The following HMGB1 variants were observed in gnomAD, a reference collection of about 807,000 sequenced individuals.
HMGB1 encodes high mobility group box 1, also known as high mobility group protein B1.
For synonymous variants in HMGB1, 81 were observed against 84.0 expected (o/e 0.96, Z 0.19); for missense variants, 79 against 253.5 (o/e 0.31, Z 4.67).
At chr13:30,512,041 T>A (rs1354728557) in intron 1 of HMGB1, among the ~76,000 whole-genome samples, 1 of 152,046 alleles carries the variant, frequency 6.6e-6, no homozygotes, top group African/African-American at 2.4e-5. Flanking sequence ...GGGCCAGGCA[T>A]GGTGACTCAT....
At chr13:30,475,367 T>G (rs924951834) in intron 1 of HMGB1, among the ~76,000 whole-genome samples, 10 of 150,880 alleles carry the variant, frequency 6.6e-5, no homozygotes, top group South Asian at 2.1e-4. Flanking sequence ...CCATCATGCC[T>G]GGTTAATTAT....
At position 30,462,327 on chromosome 13, in the gene HMGB1, A is replaced by G. The variant is rs576500076; in HGVS notation, c.471+211T>C. 25 of 601,514 alleles carry G rather than the reference A, an allele frequency of 4.2e-5. No homozygotes were observed. In the Middle Eastern group the frequency reaches 1.3e-3, roughly 31 times the overall value. The allele number at this position is 601,514 out of a possible 1,614,324, so 37.3% of individuals were successfully genotyped here. A position where few individuals can be genotyped will look rare whatever the true frequency, so the allele number is the denominator to read the frequency against. On this transcript the variant is annotated intron_variant, in intron 4 of 4. Transcript: ENST00000341423. ...CTGGGGAATAACAAAACCAACATAA[A>G]TGTACACAGCCTTTGTCTGAGTCTG...
chr13:30,490,720 C>A (rs890375866), intron 1 of HMGB1, among the ~76,000 whole-genome samples: 1 of 151,802 alleles, frequency 6.6e-6, no homozygotes, highest in East Asian at 1.9e-4. Flanking sequence ...GAATTTGAGG[C>A]TGCAATGAGC....
chr13:30,568,649 G>GGGGA (rs1390497998), intron 1 of HMGB1, among the ~76,000 whole-genome samples: 1 of 152,208 alleles, frequency 6.6e-6, no homozygotes, highest in Admixed American at 6.5e-5. Flanking sequence ...CAGACACAGA[G>GGGGA]GGGAGGGCCT....
chr13:30,603,244 G>A (rs1175315422), intron 1 of HMGB1, among the ~76,000 whole-genome samples: 1 of 152,046 alleles, frequency 6.6e-6, no homozygotes, highest in Middle Eastern at 3.2e-3. Context: ...TGCTTATCTA[G>A]TGATTATTCC....
chr13:30,458,180 A>C lies in HMGB1; in HGVS notation c.*3177T>G, dbSNP rs1286422669. 3 of 152,138 alleles carry C rather than the reference A, an allele frequency of 2.0e-5. No homozygotes were observed. The highest frequency in any genetic ancestry group is 4.4e-5 in the Non-Finnish European group (3 of 68,030). The allele number at this position is 152,138 out of a possible 1,614,324, so 9.4% of individuals were successfully genotyped here. A position where few individuals can be genotyped will look rare whatever the true frequency, so the allele number is the denominator to read the frequency against. On this transcript the variant is annotated 3_prime_UTR_variant, in exon 5 of 5. Transcript: ENST00000341423. ...ACCCTTTCAGGAGGCGTGTTGTACC[A>C]AGCAGACCTAAATGTGAACTTTCAT... is the stretch of plus-strand genomic sequence containing the variant.
At chr13:30,532,174 A>G (rs1004837550) in intron 1 of HMGB1, among the ~76,000 whole-genome samples, 5 of 151,868 alleles carry the variant, frequency 3.3e-5, no homozygotes, top group Admixed American at 2.6e-4. Context: ...CGTCTCTACT[A>G]AAAGTACAAA....
intron 1 of HMGB1, among the ~76,000 whole-genome samples, chr13:30,490,322 A>C (rs1468781471): frequency 6.6e-6 from 1 of 152,124 alleles, no homozygotes; most frequent in African/African-American, 2.4e-5. Flanking sequence ...ATTTCAATTA[A>C]GAATTTAGGA....
At chr13:30,534,648 T>C (rs4769842) in intron 1 of HMGB1, among the ~76,000 whole-genome samples, 60,563 of 144,782 alleles carry the variant, frequency 0.42, 13,577 homozygotes, top group African/African-American at 0.56. Flanking sequence ...ACACCATCTT[T>C]GCTCATTGCA....
chr13:30,590,321 T>C (rs1871315175), intron 1 of HMGB1, among the ~76,000 whole-genome samples: 2 of 152,176 alleles, frequency 1.3e-5, no homozygotes, highest in African/African-American at 4.8e-5. Flanking sequence ...TATTTTTAAA[T>C]TTTAATCTAT....
chr13:30,576,595 T>G (rs1870667263), intron 1 of HMGB1, among the ~76,000 whole-genome samples: 1 of 151,820 alleles, frequency 6.6e-6, no homozygotes, highest in African/African-American at 2.4e-5. Context: ...CAGTCCTACA[T>G]GTCTTCTCAC....
At chr13:30,463,908 G>A in intron 1 of HMGB1, 1 of 468,208 alleles carries the variant, frequency 2.1e-6, no homozygotes, top group Non-Finnish European at 3.6e-6. Flanking sequence ...AGTCCTTCAG[G>A]GCGATCTCAA....
intron 1 of HMGB1, among the ~76,000 whole-genome samples, chr13:30,516,852 G>A (rs1478255175): frequency 6.6e-6 from 1 of 152,184 alleles, no homozygotes; most frequent in African/African-American, 2.4e-5. Flanking sequence ...GGGAGATCGA[G>A]GCTGCAATGA....
intron 1 of HMGB1, among the ~76,000 whole-genome samples, chr13:30,530,799 C>T (rs1888476709): frequency 1.3e-5 from 2 of 152,128 alleles, no homozygotes; most frequent in African/African-American, 4.8e-5. Context: ...GTAATCCTAG[C>T]ACTTTGGGAG....
At chr13:30,571,388 G>A (rs1045869854) in intron 1 of HMGB1, among the ~76,000 whole-genome samples, 1 of 150,434 alleles carries the variant, frequency 6.6e-6, no homozygotes, top group Non-Finnish European at 1.5e-5. Flanking sequence ...TCCGCCTCCC[G>A]GGTTCAGGTG....
intron 1 of HMGB1, among the ~76,000 whole-genome samples, chr13:30,601,257 C>T (rs1950397255): frequency 6.6e-6 from 1 of 152,198 alleles, no homozygotes; most frequent in Admixed American, 6.5e-5. Context: ...AATCCACCAC[C>T]CTTTGCTGAC....
intron 1 of HMGB1, among the ~76,000 whole-genome samples, chr13:30,537,241 C>T (rs978829341): frequency 2.6e-5 from 4 of 152,074 alleles, no homozygotes; most frequent in Admixed American, 1.3e-4. Context: ...ATCTCCCCAC[C>T]GTCACCCAGC....
At chr13:30,586,094 C>G (rs1416022288) in intron 1 of HMGB1, among the ~76,000 whole-genome samples, 1 of 152,134 alleles carries the variant, frequency 6.6e-6, no homozygotes, top group Non-Finnish European at 1.5e-5. Flanking sequence ...GAGACTGGGT[C>G]TTGCTCTGTC....
intron 1 of HMGB1, among the ~76,000 whole-genome samples, chr13:30,537,828 A>G (rs1868527586): frequency 6.6e-6 from 1 of 151,832 alleles, no homozygotes; most frequent in Non-Finnish European, 1.5e-5. Flanking sequence ...GTTGGACGGC[A>G]TAAGACATTT....
Sources: gnomAD v4.1 joint callset for allele counts (sites outside exome capture counted in the v4.1 genomes callset) on GRCh38, gnomAD v4.1.1 for gene constraint, MANE v1.5 for transcripts, NCBI Gene and HGNC (gene_info 2026-07-23, HGNC 2026-07-21) for gene names.